The following PRKCE variants were observed in gnomAD, a reference collection of about 807,000 sequenced individuals.
PRKCE encodes the protein protein kinase C epsilon.
In PRKCE, 16 loss-of-function variants were observed where a neutral mutation model predicts 85.4. The observed-to-expected ratio is 0.19, with a 90% CI of 0.13 to 0.28. The LOEUF is 0.28. Among genes scored for constraint, PRKCE ranks in the 10% least tolerant of loss-of-function variants. The pLI, the probability that PRKCE is intolerant of heterozygous loss-of-function variation, is 1.00. For missense variants in PRKCE, 573 were observed against 975.2 expected (o/e 0.59, Z 5.49); for synonymous variants, 388 against 371.5 (o/e 1.04, Z -0.51).
intron 2 of PRKCE, among the ~76,000 whole-genome samples, chr2:45,927,716 C>T (rs1331741027): frequency 1.3e-5 from 2 of 152,216 alleles, no homozygotes; most frequent in Non-Finnish European, 1.5e-5. Flanking sequence ...ATACTCTCTC[C>T]TGCAGTGGAT....
intron 1 of PRKCE, among the ~76,000 whole-genome samples, chr2:45,782,111 G>A (rs937056357): frequency 4.6e-5 from 7 of 152,162 alleles, no homozygotes; most frequent in East Asian, 1.9e-4. Flanking sequence ...GATGCAGTCC[G>A]TGAAAGTGTT....
intron 1 of PRKCE, among the ~76,000 whole-genome samples, chr2:45,691,970 T>C (rs1336037490): frequency 1.3e-5 from 2 of 152,248 alleles, no homozygotes; most frequent in African/African-American, 4.8e-5. Context: ...TGTCCGTTGT[T>C]CTATCTTAGG....
At position 46,138,710 on chromosome 2, in the gene PRKCE, C is replaced by G. The variant is rs559148739; in HGVS notation, c.1593-6383C>G. 5.3e-5 allele frequency among the ~76,000 whole-genome samples: 8 copies of G among 152,256 alleles called. No individual in the cohort carries two copies. Among genetic ancestry groups the G allele is most frequent in the African/African-American group, 1.9e-4 (8 of 41,548 alleles). Reference sequence around the variant, plus strand: ...AATGTCTGGAGACACAGTTGGTTGTCACAGCTGGAGAGGGGGCATACTAAT... The same window carrying G: ...AATGTCTGGAGACACAGTTGGTTGTGACAGCTGGAGAGGGGGCATACTAAT... On this transcript the variant is annotated intron_variant, in intron 11 of 14. Coordinates refer to ENST00000306156, the MANE Select transcript of PRKCE (RefSeq NM_005400.3). The surrounding 1 kb of genome is among the most constrained non-coding windows in gnomAD (Gnocchi z 4.2).
intron 11 of PRKCE, among the ~76,000 whole-genome samples, chr2:46,093,406 T>TG (rs952840910): frequency 1.5e-4 from 22 of 150,824 alleles, no homozygotes; most frequent in African/African-American, 5.1e-4. Context: ...AAAAGCAGTT[T>TG]TTTTTTTTTT....
chr2:45,762,910 C>T (rs1279284294), intron 1 of PRKCE, among the ~76,000 whole-genome samples: 2 of 151,752 alleles, frequency 1.3e-5, no homozygotes, highest in African/African-American at 2.4e-5. Flanking sequence ...TGGGAGAAAG[C>T]TGTGTCTCTT....
At chr2:46,173,899 C>T (rs1468348625) in intron 14 of PRKCE, among the ~76,000 whole-genome samples, 2 of 152,168 alleles carry the variant, frequency 1.3e-5, no homozygotes, top group Non-Finnish European at 2.9e-5. Flanking sequence ...CCTAAAGTAA[C>T]TTCTCACATG....
intron 11 of PRKCE, among the ~76,000 whole-genome samples, chr2:46,097,238 G>T (rs1038509293): frequency 6.6e-6 from 1 of 152,134 alleles, no homozygotes; most frequent in Non-Finnish European, 1.5e-5. Flanking sequence ...TGCAAAGTCG[G>T]CAGGGTGCAG....
intron 2 of PRKCE, among the ~76,000 whole-genome samples, chr2:45,896,493 T>C (rs1045975700): frequency 6.6e-4 from 101 of 152,230 alleles, no homozygotes; most frequent in Non-Finnish European, 1.3e-3. Context: ...CTTCCCACTT[T>C]TGCTTTTTTT....
chr2:45,910,914 C>T (rs757217419), intron 2 of PRKCE, among the ~76,000 whole-genome samples: 11 of 152,228 alleles, frequency 7.2e-5, no homozygotes, highest in South Asian at 4.1e-4. Context: ...CAGAGCGTGC[C>T]GTGGCAAGTT....
intron 1 of PRKCE, among the ~76,000 whole-genome samples, chr2:45,772,484 A>G (rs1394321114): frequency 6.6e-6 from 1 of 152,178 alleles, no homozygotes; most frequent in Non-Finnish European, 1.5e-5. Context: ...TAGGAAATGC[A>G]GATTTTGTCA....
chr2:45,927,120 ATG>A (rs1185881842), intron 2 of PRKCE, among the ~76,000 whole-genome samples: 1 of 151,864 alleles, frequency 6.6e-6, no homozygotes, highest in East Asian at 1.9e-4. Flanking sequence ...GAAGTATAGA[ATG>A]TGTATATGTG....
chr2:45,654,173 G>T (rs1466155718), intron 1 of PRKCE, among the ~76,000 whole-genome samples: 1 of 152,244 alleles, frequency 6.6e-6, no homozygotes, highest in Non-Finnish European at 1.5e-5. Flanking sequence ...AGAGAGCAGG[G>T]ATGAGGAGCA....
intron 2 of PRKCE, among the ~76,000 whole-genome samples, chr2:45,922,268 A>C (rs912583665): frequency 6.6e-6 from 1 of 152,202 alleles, no homozygotes; most frequent in African/African-American, 2.4e-5. Flanking sequence ...GTAGTTTTAC[A>C]AATTGCCATT....
intron 2 of PRKCE, among the ~76,000 whole-genome samples, chr2:45,884,668 T>G (rs1695111809): frequency 6.6e-6 from 1 of 152,156 alleles, no homozygotes; most frequent in South Asian, 2.1e-4. Context: ...CAGTCAACAA[T>G]GAGCTCTTTA....
chr2:45,741,630 CGTTTTGGGCATGTGCAA>C (rs139666438), intron 1 of PRKCE, among the ~76,000 whole-genome samples: 8,584 of 152,156 alleles, frequency 0.056, 803 homozygotes, highest in African/African-American at 0.2. Flanking sequence ...GGCATGTGCA[CGTTTTGGGCATGTGCAA>C]GTTTTGGGCC....
chr2:45,802,143 G>A (rs1364237678), intron 1 of PRKCE, among the ~76,000 whole-genome samples: 1 of 151,456 alleles, frequency 6.6e-6, no homozygotes, highest in Non-Finnish European at 1.5e-5. Flanking sequence ...GGTGGTACAT[G>A]CCTGTAGTCT....
chr2:46,129,190 C>T (rs1417336682), intron 11 of PRKCE, among the ~76,000 whole-genome samples: 1 of 152,152 alleles, frequency 6.6e-6, no homozygotes, highest in Non-Finnish European at 1.5e-5. Context: ...ATGAGGCGCA[C>T]TAGTAAAGGC....
chr2:46,157,692 C>A (rs1352280316), intron 13 of PRKCE, among the ~76,000 whole-genome samples: 2 of 152,232 alleles, frequency 1.3e-5, no homozygotes, highest in South Asian at 4.1e-4. Context: ...GGCTCAGGGG[C>A]AGCTTCTTAA....
chr2:45,676,489 C>G (rs1337824869), intron 1 of PRKCE, among the ~76,000 whole-genome samples: 1 of 152,212 alleles, frequency 6.6e-6, no homozygotes, highest in East Asian at 1.9e-4. Flanking sequence ...TTTGCATTAA[C>G]AGGAAAACTA....
Sources: allele counts gnomAD v4.1 joint callset (sites outside exome capture counted in the v4.1 genomes callset), GRCh38; gene constraint gnomAD v4.1.1; non-coding constraint Gnocchi (gnomAD v3.1); transcripts MANE v1.5; gene names NCBI Gene and HGNC (gene_info 2026-07-23, HGNC 2026-07-21).